The following FBXL20 variants were observed in gnomAD, a reference collection of about 807,000 sequenced individuals.
The protein encoded by FBXL20 is F-box and leucine rich repeat protein 20, also known as F-box/LRR-repeat protein 20.
In FBXL20, 11 loss-of-function variants were observed where a neutral mutation model predicts 64.0. That is an observed-to-expected ratio of 0.17 (90% CI 0.11 to 0.28). The LOEUF (loss-of-function observed/expected upper bound fraction) is 0.28. Among genes scored for constraint, FBXL20 ranks in the 10% least tolerant of loss-of-function variants. The pLI, the probability that FBXL20 is intolerant of heterozygous loss-of-function variation, is 1.00. For synonymous variants in FBXL20, 184 were observed against 189.0 expected, an observed-to-expected ratio of 0.97 and a Z score of 0.22; for missense variants, 303 against 526.2, an observed-to-expected ratio of 0.58 and a Z score of 4.15.
At chr17:39,373,033 T>A (rs2047933811) in intron 1 of FBXL20, among the ~76,000 whole-genome samples, 1 of 152,026 alleles carries the variant, frequency 6.6e-6, no homozygotes, top group Non-Finnish European at 1.5e-5. Flanking sequence ...AGACTACTTG[T>A]TTTTCAAACA....
intron 1 of FBXL20, among the ~76,000 whole-genome samples, chr17:39,367,885 T>C (rs536503784): frequency 3.3e-5 from 5 of 151,842 alleles, no homozygotes; most frequent in African/African-American, 1.2e-4. Flanking sequence ...TGCCTCAGGC[T>C]CCGGAGTAGC....
chr17:39,317,540 T>C (rs1351827393), intron 2 of FBXL20, among the ~76,000 whole-genome samples: 4 of 150,654 alleles, frequency 2.7e-5, no homozygotes, highest in African/African-American at 9.8e-5. Context: ...AAGGTGCTTA[T>C]TAAAATGTAC....
At chr17:39,270,772 A>T (rs761466287) in intron 11 of FBXL20, 24 bp downstream of exon 11, 1 of 1,588,918 alleles carries the variant, frequency 6.3e-7, no homozygotes, top group Non-Finnish European at 8.6e-7. Flanking sequence ...AAACAAACCT[A>T]TGGAACCTAA....
At chr17:39,354,614 G>T (rs2047718534) in intron 1 of FBXL20, among the ~76,000 whole-genome samples, 1 of 152,148 alleles carries the variant, frequency 6.6e-6, no homozygotes. Context: ...TTATTTATAC[G>T]TTAGGAATCT....
chr17:39,338,128 G>A (rs532060927), intron 2 of FBXL20, among the ~76,000 whole-genome samples: 38 of 152,330 alleles, frequency 2.5e-4, no homozygotes, highest in African/African-American at 8.7e-4. Flanking sequence ...TTGAGAAATC[G>A]GATGGTTGCC....
chr17:39,279,418 G>C (rs945562413), intron 9 of FBXL20, among the ~76,000 whole-genome samples: 1 of 151,600 alleles, frequency 6.6e-6, no homozygotes, highest in African/African-American at 2.4e-5. Flanking sequence ...AGGATTGCTT[G>C]AGCCCTGTAG....
chr17:39,377,792 C>T (rs950615653), intron 1 of FBXL20, among the ~76,000 whole-genome samples: 9 of 152,154 alleles, frequency 5.9e-5, no homozygotes, highest in South Asian at 2.1e-4. Context: ...CGTAAGCCAC[C>T]GTGCCCAGCC....
At chr17:39,326,202 C>CAA (rs1332709446) in intron 2 of FBXL20, among the ~76,000 whole-genome samples, 1 of 140,910 alleles carries the variant, frequency 7.1e-6, no homozygotes, top group African/African-American at 2.6e-5. Flanking sequence ...AATCATACGC[C>CAA]AAAAAAAAAA....
intron 1 of FBXL20, among the ~76,000 whole-genome samples, chr17:39,365,634 A>G (rs969606163): frequency 1.3e-4 from 16 of 120,838 alleles, no homozygotes. Flanking sequence ...CACTGCTCTC[A>G]GTCCAAAAAT....
chr17:39,289,052 C>A (rs1215499898), intron 6 of FBXL20, among the ~76,000 whole-genome samples: 1 of 151,978 alleles, frequency 6.6e-6, no homozygotes, highest in Non-Finnish European at 1.5e-5. Flanking sequence ...TCATTTTTTT[C>A]TTTATAGCTT....
chr17:39,324,071 G>T (rs981699915), intron 2 of FBXL20, among the ~76,000 whole-genome samples: 2 of 134,312 alleles, frequency 1.5e-5, no homozygotes, highest in African/African-American at 6.3e-5. Flanking sequence ...GAGCCACCGT[G>T]CCTGGCCTAT....
intron 1 of FBXL20, among the ~76,000 whole-genome samples, chr17:39,348,777 G>A (rs2047659107): frequency 1.3e-5 from 2 of 152,274 alleles, no homozygotes; most frequent in East Asian, 1.9e-4. Context: ...ATAGACCACT[G>A]CAGCCTTGAC....
intron 1 of FBXL20, among the ~76,000 whole-genome samples, chr17:39,383,435 CAG>C (rs753428876): frequency 6.6e-6 from 1 of 151,828 alleles, no homozygotes; most frequent in African/African-American, 2.4e-5. Context: ...GCCTGGGTAA[CAG>C]AGAAAGATTC....
intron 2 of FBXL20, among the ~76,000 whole-genome samples, chr17:39,338,381 C>T (rs1167273294): frequency 6.6e-6 from 1 of 152,136 alleles, no homozygotes; most frequent in African/African-American, 2.4e-5. Context: ...TCTCAAGTAC[C>T]CAGGGACACA....
At chr17:39,313,761 G>C (rs1052596890) in intron 2 of FBXL20, among the ~76,000 whole-genome samples, 1 of 151,962 alleles carries the variant, frequency 6.6e-6, no homozygotes, top group Non-Finnish European at 1.5e-5. Flanking sequence ...TCAGCTTCCC[G>C]AGTAGCTGGG....
intron 1 of FBXL20, among the ~76,000 whole-genome samples, chr17:39,383,819 A>C (rs2048050392): frequency 6.6e-6 from 1 of 151,728 alleles, no homozygotes; most frequent in South Asian, 2.1e-4. Flanking sequence ...CGAACTCCTG[A>C]GCTCAGGCAA....
chr17:39,320,147 CAATA>C (rs1464373141), intron 2 of FBXL20, among the ~76,000 whole-genome samples: 2 of 152,146 alleles, frequency 1.3e-5, no homozygotes, highest in South Asian at 2.1e-4. Flanking sequence ...TTTGTTGACA[CAATA>C]GATATGCAAA....
intron 8 of FBXL20, 110 bp downstream of exon 8, chr17:39,282,619 T>C (rs2046957881): frequency 7.1e-7 from 1 of 1,417,100 alleles, no homozygotes; most frequent in Non-Finnish European, 9.7e-7. Context: ...TTGTCAATAA[T>C]ACACACAACT....
chr17:39,331,652 G>C (rs959837762), intron 2 of FBXL20, among the ~76,000 whole-genome samples: 1 of 152,126 alleles, frequency 6.6e-6, no homozygotes, highest in Non-Finnish European at 1.5e-5. Context: ...ATAATGCCTG[G>C]AACACTGTAG....
Sources: gnomAD v4.1 joint callset for allele counts (sites outside exome capture counted in the v4.1 genomes callset) on GRCh38, gnomAD v4.1.1 for gene constraint, MANE v1.5 for transcripts, NCBI Gene and HGNC (gene_info 2026-07-23, HGNC 2026-07-21) for gene names.